ARHGAP10: variants seen among roughly 807,000 people sequenced by gnomAD.
The protein encoded by ARHGAP10 is Rho GTPase activating protein 10.
A neutral mutation model predicts 108.6 loss-of-function variants in ARHGAP10; 87 were observed. The observed-to-expected ratio is 0.80, with a 90% CI of 0.67 to 0.96. The LOEUF (loss-of-function observed/expected upper bound fraction) is 0.96, where lower values mean the gene tolerates loss of function less well. ARHGAP10 is among the 40% of genes least tolerant of loss of function. The pLI, the probability that ARHGAP10 is intolerant of heterozygous loss-of-function variation, is 0.00. For synonymous variants in ARHGAP10, 347 were observed against 341.1 expected (o/e 1.02, Z -0.19); for missense variants, 939 against 954.5 (o/e 0.98, Z 0.21).
In ARHGAP10 at chr4:147,837,643, GTT is replaced by G. The variant is rs59933316; in HGVS notation, c.313-9490_313-9489del. Among the ~76,000 whole-genome samples the G allele has an allele frequency of 1.0e-4, 7 of 70,238 alleles. 1 individual carries two copies. Among genetic ancestry groups the G allele is most frequent in the Non-Finnish European group, 1.2e-4 (4 of 32,958 alleles). The allele number at this position is 70,238 out of a possible 152,430, so 46.1% of individuals were successfully genotyped here. On this transcript the variant is annotated intron_variant, in intron 3 of 22. Transcript: ENST00000336498. ...CACCTCGCTAGAATCTCTGGTCACT[GTT>G]TTTTTTTTTTTTTTTTTAAAGCAGT...
intron 10 of ARHGAP10, among the ~76,000 whole-genome samples, chr4:147,902,226 AAT>A (rs1052976657): frequency 1.3e-5 from 2 of 152,024 alleles, no homozygotes; most frequent in African/African-American, 4.8e-5. Flanking sequence ...TTAGTCTTCT[AAT>A]ATGTTTTTGC....
rs1260345574 is a variant in ARHGAP10, at chr4:147,909,454, G to T, written c.1117-278G>T. On this transcript the variant is annotated intron_variant, in intron 11 of 22. Transcript: ENST00000336498. ...CCCCATCCTGAGATGGCCTATCCAGGGGCTCTATAAGAAGTCACCTCATTA... is the reference window on the plus strand; with the variant it reads ...CCCCATCCTGAGATGGCCTATCCAGTGGCTCTATAAGAAGTCACCTCATTA... 3.3e-5 allele frequency among the ~76,000 whole-genome samples: 5 copies of T among 152,108 alleles called. No individual in the cohort carries two copies. The East Asian group carries it at 9.6e-4, about 29-fold the overall frequency.
intron 13 of ARHGAP10, among the ~76,000 whole-genome samples, chr4:147,930,285 C>T (rs1737626770): frequency 6.6e-6 from 1 of 152,170 alleles, no homozygotes; most frequent in Admixed American, 6.6e-5. Flanking sequence ...GAGCCCTTCT[C>T]CTTTGTTGTT....
chr4:147,979,662 A>G (rs1032775717), intron 18 of ARHGAP10, among the ~76,000 whole-genome samples: 2 of 152,202 alleles, frequency 1.3e-5, no homozygotes, highest in African/African-American at 4.8e-5. Context: ...CTTCCAACCC[A>G]TGAGCATGGA....
intron 18 of ARHGAP10, among the ~76,000 whole-genome samples, chr4:148,013,038 GA>G (rs540821418): frequency 1.3e-4 from 19 of 151,460 alleles, no homozygotes; most frequent in East Asian, 7.7e-4. Flanking sequence ...TGTAATTTGG[GA>G]AAAAAATGTT....
intron 18 of ARHGAP10, among the ~76,000 whole-genome samples, chr4:147,999,786 G>C (rs997198766): frequency 1.5e-4 from 23 of 152,284 alleles, no homozygotes; most frequent in African/African-American, 4.8e-4. Context: ...TCACCATCTT[G>C]GGAGCTCTGG....
intron 18 of ARHGAP10, among the ~76,000 whole-genome samples, chr4:148,003,531 T>G (rs1316301939): frequency 6.6e-6 from 1 of 152,174 alleles, no homozygotes; most frequent in Non-Finnish European, 1.5e-5. Context: ...CTCCCATTAT[T>G]ATTGTGTGGG....
intron 3 of ARHGAP10, among the ~76,000 whole-genome samples, chr4:147,838,763 G>C (rs1163487985): frequency 6.6e-6 from 1 of 152,134 alleles, no homozygotes; most frequent in Non-Finnish European, 1.5e-5. Flanking sequence ...TTTGTTTAAT[G>C]TAACCACTGA....
intron 1 of ARHGAP10, among the ~76,000 whole-genome samples, chr4:147,802,675 C>T (rs553758105): frequency 1.3e-5 from 2 of 152,348 alleles, no homozygotes; most frequent in Admixed American, 1.3e-4. Context: ...GTAACTTCTA[C>T]TTACACTGGT....
intron 4 of ARHGAP10, among the ~76,000 whole-genome samples, chr4:147,850,925 C>T (rs1003206627): frequency 6.6e-6 from 1 of 152,104 alleles, no homozygotes; most frequent in Non-Finnish European, 1.5e-5. Context: ...ACTTAGGGGC[C>T]AAGTATGTTG....
In ARHGAP10 at chr4:147,732,206, T is replaced by C; in HGVS notation, c.-96T>C. The C allele has an allele frequency of 7.7e-7, 1 of 1,305,098 alleles. No homozygotes were observed. The highest frequency in any genetic ancestry group is 1.0e-6 in the Non-Finnish European group (1 of 1,003,818). 80.8% of individuals were successfully genotyped at this position (1,305,098 alleles called of 1,614,324 possible). On this transcript the variant is annotated 5_prime_UTR_variant, in exon 1 of 23. Transcript: ENST00000336498. ...CCCGGGCCTGCTAGCTCCTCTGTGC[T>C]CCCTGAACGCGCGGCGCCGCACCTG...
intron 5 of ARHGAP10, among the ~76,000 whole-genome samples, chr4:147,858,816 C>G (rs1734200671): frequency 6.6e-6 from 1 of 152,208 alleles, no homozygotes; most frequent in African/African-American, 2.4e-5. Context: ...ATCTTCATTC[C>G]CCAAGTGAAT....
chr4:147,834,730 GCACACCCACCCACCTGCCCCCACCCT>G (rs1315762350), intron 3 of ARHGAP10, among the ~76,000 whole-genome samples: 1 of 116,862 alleles, frequency 8.6e-6, no homozygotes, highest in Non-Finnish European at 1.7e-5. Context: ...ACTTCCACCC[GCACACCCACCCACCTGCCCCCACCCT>G]CACACCCATA....
chr4:148,011,001 G>A (rs1381288228), intron 18 of ARHGAP10, among the ~76,000 whole-genome samples: 4 of 152,048 alleles, frequency 2.6e-5, no homozygotes, highest in Admixed American at 1.3e-4. Flanking sequence ...CATGACATTG[G>A]CACTTCTGAA....
intron 18 of ARHGAP10, among the ~76,000 whole-genome samples, chr4:147,975,780 A>G (rs1739569439): frequency 1.3e-5 from 2 of 152,258 alleles, no homozygotes. Flanking sequence ...TTTTCAACAT[A>G]TGAACTCTGA....
At chr4:147,766,191 G>A (rs1289926231) in intron 1 of ARHGAP10, among the ~76,000 whole-genome samples, 1 of 152,086 alleles carries the variant, frequency 6.6e-6, no homozygotes, top group Non-Finnish European at 1.5e-5. Flanking sequence ...TCAGGAGCCT[G>A]AGGCAGGAGA....
chr4:147,825,093 G>C (rs894963775), intron 3 of ARHGAP10, among the ~76,000 whole-genome samples: 109 of 152,262 alleles, frequency 7.2e-4, no homozygotes, highest in African/African-American at 2.5e-3. Flanking sequence ...AATTTCCTGG[G>C]TGGTGGCTGG....
rs11363800 is a variant in ARHGAP10, at chr4:148,045,738, C to CAA, written c.1868-1128_1868-1127dup. 5.4e-3 allele frequency among the ~76,000 whole-genome samples: 313 copies of CAA among 57,522 alleles called. 9 individuals are homozygous for CAA. Among genetic ancestry groups the CAA allele is most frequent in the African/African-American group, 0.018 (246 of 13,348 alleles). The allele number at this position is 57,522 out of a possible 152,430, so 37.7% of individuals were successfully genotyped here. On this transcript the variant is annotated intron_variant, in intron 19 of 22. Transcript: ENST00000336498. ...GGGCAGCAAGAACGAAACTCCATCT[C>CAA]AAAAAAAAAAAAAAAAAAAAAAAAA... is the stretch of plus-strand genomic sequence containing the variant.
In ARHGAP10 at chr4:147,743,388, A is replaced by G. The variant is rs1728775678; in HGVS notation, c.154+10933A>G. On this transcript the variant is annotated intron_variant, in intron 1 of 22. Coordinates refer to ENST00000336498, the MANE Select transcript of ARHGAP10 (RefSeq NM_024605.4). ...TCAAAGGCAGCACAGCAAACATACTAAAATAGATAGGTCTTTGAAACCAGG... is the reference window on the plus strand; with the variant it reads ...TCAAAGGCAGCACAGCAAACATACTGAAATAGATAGGTCTTTGAAACCAGG... 2.6e-5 allele frequency among the ~76,000 whole-genome samples: 4 copies of G among 152,244 alleles called. No homozygotes were observed. The South Asian group carries it at 8.3e-4, about 32-fold the overall frequency.
Sources: gnomAD v4.1 joint callset for allele counts (sites outside exome capture counted in the v4.1 genomes callset) on GRCh38, gnomAD v4.1.1 for gene constraint, MANE v1.5 for transcripts, NCBI Gene and HGNC (gene_info 2026-07-23, HGNC 2026-07-21) for gene names.